Variants in HECW1 observed in about 807,000 individuals in gnomAD.
The protein encoded by HECW1 is HECT, C2 and WW domain containing E3 ubiquitin protein ligase 1.
In HECW1, 61 loss-of-function variants were observed where a neutral mutation model predicts 182.3. That is an observed-to-expected ratio of 0.33 (90% CI 0.27 to 0.41). HECW1 has a LOEUF of 0.41. HECW1 is among the 10% of genes least tolerant of loss of function. The probability of loss-of-function intolerance (pLI) is 1.00; values close to 1 mark genes in which losing one functional copy is unlikely to be tolerated. For synonymous variants in HECW1, 859 were observed against 832.6 expected (o/e 1.03, Z -0.55); for missense variants, 1,739 against 2,108.9 (o/e 0.82, Z 3.44).
At chr7:43,307,294 G>A (rs79904083) in intron 3 of HECW1, among the ~76,000 whole-genome samples, 2,022 of 152,234 alleles carry the variant, frequency 0.013, 43 homozygotes, top group African/African-American at 0.045. Context: ...TATTCTTGTG[G>A]TCCTCCTATC....
chr7:43,417,058 T>C (rs1391806332), intron 8 of HECW1, among the ~76,000 whole-genome samples: 2 of 152,182 alleles, frequency 1.3e-5, no homozygotes, highest in Non-Finnish European at 2.9e-5. Flanking sequence ...CTCTCATTTA[T>C]TTATTTTTTG....
intron 3 of HECW1, among the ~76,000 whole-genome samples, chr7:43,244,447 G>C (rs1799178109): frequency 6.6e-6 from 1 of 152,192 alleles, no homozygotes; most frequent in African/African-American, 2.4e-5. Flanking sequence ...AAGACTTCCT[G>C]CCAATGGTCC....
chr7:43,336,144 T>TTCTCTCTCTCTCTCTCTC lies in HECW1; in HGVS notation c.460+15440_460+15457dup, dbSNP rs768468130. On this transcript the variant is annotated intron_variant, in intron 5 of 29. Transcript: ENST00000395891. ...TTTCTTTCTCTCTCTCTCTCTCTCT[T>TTCTCTCTCTCTCTCTCTC]TCTCTCTCTCTCTCTCTCTCTCTCT... Among the ~76,000 whole-genome samples the TTCTCTCTCTCTCTCTCTC allele has an allele frequency of 3.4e-3, 178 of 51,952 alleles. 2 individuals carry two copies. The highest frequency in any genetic ancestry group is 4.4e-3 in the Non-Finnish European group (120 of 27,172). 34.1% of individuals were successfully genotyped at this position (51,952 alleles called of 152,430 possible). A position where few individuals can be genotyped will look rare whatever the true frequency, so the allele number is the denominator to read the frequency against.
chr7:43,311,682 A>C, intron 3 of HECW1, 81 bp from the exon 4 acceptor site: 1 of 1,283,280 alleles, frequency 7.8e-7, no homozygotes, highest in East Asian at 2.3e-5. Context: ...GTCTCCCAGC[A>C]CATCTTTCGT....
intron 2 of HECW1, among the ~76,000 whole-genome samples, chr7:43,174,657 T>A (rs1425828329): frequency 6.6e-6 from 1 of 152,208 alleles, no homozygotes; most frequent in African/African-American, 2.4e-5. Context: ...AGCTTTTTTT[T>A]CTTTCCTTAT....
chr7:43,500,641 G>A (rs2079311087), intron 19 of HECW1, 58 bp from the exon 20 acceptor site: 7 of 1,250,716 alleles, frequency 5.6e-6, no homozygotes, highest in South Asian at 4.8e-5. Flanking sequence ...AGAAGAAAAT[G>A]TATTTCTGAG....
intron 14 of HECW1, among the ~76,000 whole-genome samples, chr7:43,464,827 G>T (rs1280816948): frequency 6.6e-6 from 1 of 152,064 alleles, no homozygotes; most frequent in African/African-American, 2.4e-5. Context: ...ATTGAAGACA[G>T]AGTCTCTCTT....
At chr7:43,137,945 T>G (rs1787744162) in intron 2 of HECW1, among the ~76,000 whole-genome samples, 1 of 152,224 alleles carries the variant, frequency 6.6e-6, no homozygotes, top group African/African-American at 2.4e-5. Flanking sequence ...ACACTTTTTT[T>G]TTTTTTTAAG....
intron 2 of HECW1, among the ~76,000 whole-genome samples, chr7:43,242,975 T>C (rs766880131): frequency 6.6e-6 from 1 of 152,014 alleles, no homozygotes; most frequent in African/African-American, 2.4e-5. Context: ...GAGAACATAA[T>C]CTCTGCACCC....
At chr7:43,146,445 A>G (rs1788722198) in intron 2 of HECW1, among the ~76,000 whole-genome samples, 1 of 152,202 alleles carries the variant, frequency 6.6e-6, no homozygotes, top group Non-Finnish European at 1.5e-5. Flanking sequence ...GCCATCACTG[A>G]AATATTTTGG....
At chr7:43,289,055 A>G (rs1805032605) in intron 3 of HECW1, among the ~76,000 whole-genome samples, 1 of 151,840 alleles carries the variant, frequency 6.6e-6, no homozygotes, top group Non-Finnish European at 1.5e-5. Flanking sequence ...GGCATTTCCC[A>G]ATTCCCATCC....
chr7:43,138,557 A>G (rs1446639159), intron 2 of HECW1, among the ~76,000 whole-genome samples: 1 of 152,110 alleles, frequency 6.6e-6, no homozygotes, highest in African/African-American at 2.4e-5. Flanking sequence ...TTCTGTCTGG[A>G]TATGTACTTG....
chr7:43,440,410 T>C (rs887551473), intron 9 of HECW1: 1 of 152,344 alleles, frequency 6.6e-6, no homozygotes, highest in Non-Finnish European at 1.5e-5. Context: ...CCTGTAACTC[T>C]AACCATCTCA....
At chr7:43,211,056 T>C (rs1283127627) in intron 2 of HECW1, among the ~76,000 whole-genome samples, 1 of 152,218 alleles carries the variant, frequency 6.6e-6, no homozygotes, top group East Asian at 1.9e-4. Flanking sequence ...TCTCAGGCGA[T>C]AGATGATTGG....
At chr7:43,197,154 A>G (rs902829903) in intron 2 of HECW1, among the ~76,000 whole-genome samples, 1 of 152,220 alleles carries the variant, frequency 6.6e-6, no homozygotes, top group African/African-American at 2.4e-5. Context: ...AAGAGAATTT[A>G]TAGAAAAAAA....
intron 5 of HECW1, among the ~76,000 whole-genome samples, chr7:43,331,363 G>A (rs1811463191): frequency 6.6e-6 from 1 of 152,060 alleles, no homozygotes; most frequent in African/African-American, 2.4e-5. Context: ...GGCTGAGGCG[G>A]GCGGATCACA....
rs113121717 is a variant in HECW1 at position 43,320,207 on chromosome 7, C to T, written c.353-428C>T. On this transcript the variant is annotated intron_variant, in intron 4 of 29. Coordinates refer to ENST00000395891, the MANE Select transcript of HECW1 (RefSeq NM_015052.5). ...AGGAGAGATGATTCGAAGTGGAGTC[C>T]GTGAGAACTAGACCCCAAAGGGAGA... Among the ~76,000 whole-genome samples, 46 of 152,242 alleles carry T rather than the reference C, an allele frequency of 3.0e-4. 1 individual carries two copies. Among genetic ancestry groups the T allele is most frequent in the African/African-American group, 8.9e-4 (37 of 41,534 alleles).
At chr7:43,454,456 C>T (rs915679822) in intron 12 of HECW1, among the ~76,000 whole-genome samples, 10 of 152,142 alleles carry the variant, frequency 6.6e-5, no homozygotes, top group Admixed American at 2.6e-4. Context: ...TATGTATATA[C>T]AATTTCATCC....
At chr7:43,495,701 C>G (rs2079093166) in intron 19 of HECW1, among the ~76,000 whole-genome samples, 1 of 152,322 alleles carries the variant, frequency 6.6e-6, no homozygotes, top group South Asian at 2.1e-4. Flanking sequence ...CTTAAGAATT[C>G]TCTCCCCTGG....
Sources: allele counts gnomAD v4.1 joint callset (sites outside exome capture counted in the v4.1 genomes callset), GRCh38; gene constraint gnomAD v4.1.1; transcripts MANE v1.5; gene names NCBI Gene and HGNC (gene_info 2026-07-23, HGNC 2026-07-21).